TBC1D22A: variants seen among roughly 807,000 people sequenced by gnomAD.
TBC1D22A encodes TBC1 domain family member 22A.
TBC1D22A carries 38 observed loss-of-function variants against 60.2 expected under a neutral mutation model. The ratio of observed to expected loss-of-function variants is 0.63; its 90% confidence interval spans 0.49 to 0.83. The LOEUF (loss-of-function observed/expected upper bound fraction) is 0.83. Among genes scored for constraint, TBC1D22A ranks in the 40% least tolerant of loss-of-function variants. The pLI is 0.00. For missense variants in TBC1D22A, 628 were observed against 701.0 expected, an observed-to-expected ratio of 0.90 and a Z score of 1.18; for synonymous variants, 302 against 281.7, an observed-to-expected ratio of 1.07 and a Z score of -0.72.
chr22:46,877,942 T>C (rs898826648), intron 4 of TBC1D22A, among the ~76,000 whole-genome samples: 23 of 152,132 alleles, frequency 1.5e-4, no homozygotes, highest in African/African-American at 5.6e-4. Context: ...CTGATGCTTG[T>C]CCTTCCCTGC....
chr22:46,941,108 TACACACACACACACACACACACACAC>T (rs145138507), intron 8 of TBC1D22A, among the ~76,000 whole-genome samples: 1 of 77,438 alleles, frequency 1.3e-5, no homozygotes, highest in South Asian at 5.5e-4. Flanking sequence ...GGCACTAGCA[TACACACACACACACACACACACACAC>T]ACACACACAC....
At chr22:47,058,078 A>G (rs952741633) in intron 11 of TBC1D22A, among the ~76,000 whole-genome samples, 1 of 152,188 alleles carries the variant, frequency 6.6e-6, no homozygotes, top group Non-Finnish European at 1.5e-5. Context: ...GGACTGGCAC[A>G]GCAAGGACTG....
chr22:47,023,502 T>A (rs1420407715), intron 10 of TBC1D22A, among the ~76,000 whole-genome samples: 1 of 152,218 alleles, frequency 6.6e-6, no homozygotes, highest in Non-Finnish European at 1.5e-5. Flanking sequence ...TGTGAATGAA[T>A]GCCAACCGAG....
chr22:46,798,696 G>A (rs1252994656), intron 4 of TBC1D22A, among the ~76,000 whole-genome samples: 1 of 152,212 alleles, frequency 6.6e-6, no homozygotes, highest in African/African-American at 2.4e-5. Flanking sequence ...TTCATTGAGG[G>A]GACAAACCTG....
Position 46,967,206 on chromosome 22 carries a change from G to C in TBC1D22A, c.1016-7084G>C, listed in dbSNP as rs2073844934. 2.0e-5 allele frequency among the ~76,000 whole-genome samples: 3 copies of C among 152,194 alleles called. No individual in the cohort carries two copies. In the South Asian group the frequency reaches 6.2e-4, roughly 31 times the overall value. ...ATAAGAATTAAACATTCCCGCACTA[G>C]AGCCATTTGATCATAACGTTAGTTG... On this transcript the variant is annotated intron_variant, in intron 8 of 12. Coordinates refer to ENST00000337137, the MANE Select transcript of TBC1D22A (RefSeq NM_014346.5).
intron 8 of TBC1D22A, among the ~76,000 whole-genome samples, chr22:46,928,979 G>T (rs891361857): frequency 9.2e-5 from 14 of 152,104 alleles, no homozygotes; most frequent in Non-Finnish European, 2.1e-4. Flanking sequence ...GACTGTTAAT[G>T]GGTACAGAGT....
intron 1 of TBC1D22A, among the ~76,000 whole-genome samples, chr22:46,770,840 T>A (rs1180242427): frequency 1.3e-5 from 2 of 152,186 alleles, no homozygotes; most frequent in South Asian, 2.1e-4. Flanking sequence ...CTCAGTCCTG[T>A]TTTCCATGCA....
intron 11 of TBC1D22A, among the ~76,000 whole-genome samples, chr22:47,093,931 T>C (rs2065076177): frequency 6.6e-6 from 1 of 152,194 alleles, no homozygotes; most frequent in Admixed American, 6.5e-5. Flanking sequence ...AAGGCTTTAA[T>C]TGGGTGCTGC....
At chr22:46,888,001 G>A (rs1054507820) in intron 5 of TBC1D22A, among the ~76,000 whole-genome samples, 13 of 152,174 alleles carry the variant, frequency 8.5e-5, no homozygotes, top group Non-Finnish European at 1.9e-4. Context: ...GAGGCCTGGC[G>A]GCTCTCTGAG....
intron 9 of TBC1D22A, among the ~76,000 whole-genome samples, chr22:46,984,347 A>G (rs576677699): frequency 7.9e-6 from 1 of 126,214 alleles, no homozygotes; most frequent in African/African-American, 3.1e-5. Flanking sequence ...AGCCGGGGCG[A>G]CAGAACCAGA....
chr22:47,120,950 T>C (rs1324612907), intron 12 of TBC1D22A, among the ~76,000 whole-genome samples: 1 of 152,208 alleles, frequency 6.6e-6, no homozygotes, highest in Non-Finnish European at 1.5e-5. Flanking sequence ...GAAATATCCG[T>C]CTACCAGAAA....
chr22:46,806,906 G>A (rs1180704731), intron 4 of TBC1D22A, among the ~76,000 whole-genome samples: 1 of 152,234 alleles, frequency 6.6e-6, no homozygotes, highest in Non-Finnish European at 1.5e-5. Flanking sequence ...GATATGAGGA[G>A]GGGAAGTTCA....
chr22:47,046,239 G>A (rs1397806042), intron 11 of TBC1D22A, among the ~76,000 whole-genome samples: 1 of 152,186 alleles, frequency 6.6e-6, no homozygotes, highest in Non-Finnish European at 1.5e-5. Flanking sequence ...GACTGTTTCT[G>A]ACAGGTCACG....
intron 9 of TBC1D22A, among the ~76,000 whole-genome samples, chr22:46,989,074 C>G (rs1253445025): frequency 6.6e-6 from 1 of 152,212 alleles, no homozygotes; most frequent in African/African-American, 2.4e-5. Flanking sequence ...TTCCTTAAAC[C>G]TGATGAACTG....
intron 6 of TBC1D22A, among the ~76,000 whole-genome samples, chr22:46,893,431 C>A (rs1452511143): frequency 6.6e-6 from 1 of 152,170 alleles, no homozygotes; most frequent in Non-Finnish European, 1.5e-5. Context: ...CCTCTCCTGA[C>A]AATGGGGATG....
chr22:47,129,180 A>C (rs2066596405), intron 12 of TBC1D22A, among the ~76,000 whole-genome samples: 1 of 152,166 alleles, frequency 6.6e-6, no homozygotes, highest in African/African-American at 2.4e-5. Context: ...ATAGTAATAA[A>C]AGTTAAGAGG....
At chr22:46,823,855 T>G (rs2085933900) in intron 4 of TBC1D22A, among the ~76,000 whole-genome samples, 1 of 152,098 alleles carries the variant, frequency 6.6e-6, no homozygotes, top group African/African-American at 2.4e-5. Context: ...GACCAGCAGG[T>G]GCTGCACACG....
At chr22:46,947,198 G>A (rs557206149) in intron 8 of TBC1D22A, among the ~76,000 whole-genome samples, 1 of 152,318 alleles carries the variant, frequency 6.6e-6, no homozygotes, top group East Asian at 1.9e-4. Flanking sequence ...AACATTTGCT[G>A]TATCAGCTGA....
chr22:47,150,897 C>T (rs944095375), intron 12 of TBC1D22A, among the ~76,000 whole-genome samples: 14 of 152,224 alleles, frequency 9.2e-5, no homozygotes, highest in Non-Finnish European at 1.8e-4. Context: ...TCTCTTCCTT[C>T]CGTGGGAACT....
Sources: allele counts gnomAD v4.1 joint callset (sites outside exome capture counted in the v4.1 genomes callset), GRCh38; gene constraint gnomAD v4.1.1; transcripts MANE v1.5; gene names NCBI Gene and HGNC (gene_info 2026-07-23, HGNC 2026-07-21).